Variants in GRIN2B observed in about 807,000 individuals in gnomAD.
GRIN2B encodes the protein glutamate receptor ionotropic, NMDA 2B.
In GRIN2B, 5 loss-of-function variants were observed where a neutral mutation model predicts 114.5. The ratio of observed to expected loss-of-function variants is 0.04; its 90% CI spans 0.02 to 0.09. The LOEUF (loss-of-function observed/expected upper bound fraction) is 0.09. Among genes scored for constraint, GRIN2B ranks in the 10% least tolerant of loss-of-function variants. The pLI is 1.00. For missense variants in GRIN2B, 1,108 were observed against 1,943.5 expected (o/e 0.57, Z 8.08); for synonymous variants, 787 against 745.1 (o/e 1.06, Z -0.92).
intron 10 of GRIN2B, among the ~76,000 whole-genome samples, chr12:13,583,641 T>C (rs899204480): frequency 2.0e-5 from 3 of 151,786 alleles, no homozygotes; most frequent in African/African-American, 4.8e-5. Context: ...AAGGATATGG[T>C]TGGGGAGGCT....
At chr12:13,888,755 A>G (rs1474390336) in intron 2 of GRIN2B, among the ~76,000 whole-genome samples, 1 of 149,798 alleles carries the variant, frequency 6.7e-6, no homozygotes, top group Non-Finnish European at 1.5e-5. Flanking sequence ...GAAATATCAT[A>G]TACAGTATAA....
At chr12:13,703,254 C>T (rs1018356061) in intron 4 of GRIN2B, among the ~76,000 whole-genome samples, 1 of 152,160 alleles carries the variant, frequency 6.6e-6, no homozygotes, top group Non-Finnish European at 1.5e-5. Flanking sequence ...AGATAACAGG[C>T]CTTTAAACCC....
intron 3 of GRIN2B, among the ~76,000 whole-genome samples, chr12:13,851,766 G>C (rs577235232): frequency 6.6e-6 from 1 of 152,206 alleles, no homozygotes; most frequent in African/African-American, 2.4e-5. Context: ...TTATTTTTGA[G>C]AATTTACAAT....
intron 3 of GRIN2B, among the ~76,000 whole-genome samples, chr12:13,832,729 A>C (rs545168230): frequency 6.6e-6 from 1 of 152,216 alleles, no homozygotes; most frequent in African/African-American, 2.4e-5. Context: ...AAATGTTTCA[A>C]ATTACTCACC....
intron 10 of GRIN2B, among the ~76,000 whole-genome samples, chr12:13,605,838 G>A (rs1352043120): frequency 7.2e-5 from 11 of 152,110 alleles, no homozygotes; most frequent in Admixed American, 7.2e-4. Context: ...AGTAATTTTT[G>A]AGACATTTGA....
chr12:13,766,132 T>C (rs563611119), intron 3 of GRIN2B, among the ~76,000 whole-genome samples: 2 of 152,236 alleles, frequency 1.3e-5, no homozygotes, highest in African/African-American at 4.8e-5. Flanking sequence ...CTTTGTAACA[T>C]TATTGTTTGC....
chr12:13,809,335 A>C (rs954170046), intron 3 of GRIN2B, among the ~76,000 whole-genome samples: 4 of 152,150 alleles, frequency 2.6e-5, no homozygotes, highest in Non-Finnish European at 5.9e-5. Flanking sequence ...GCTATGATCA[A>C]GTCCCAGCCA....
At chr12:13,616,298 A>G (rs182635360) in intron 6 of GRIN2B, among the ~76,000 whole-genome samples, 157 bp downstream of exon 6, 37 of 152,148 alleles carry the variant, frequency 2.4e-4, no homozygotes, top group Admixed American at 2.0e-3. Flanking sequence ...GAGACATCAG[A>G]CCAGAGGGCT....
chr12:13,796,150 A>G (rs1211520879), intron 3 of GRIN2B, among the ~76,000 whole-genome samples: 1 of 152,010 alleles, frequency 6.6e-6, no homozygotes, highest in Non-Finnish European at 1.5e-5. Flanking sequence ...CACATTGGCT[A>G]TGAATGGAAC....
chr12:13,581,909 CAA>C (rs71067711), intron 10 of GRIN2B, among the ~76,000 whole-genome samples: 15 of 120,256 alleles, frequency 1.2e-4, no homozygotes, highest in Admixed American at 1.8e-4. Flanking sequence ...GACTTTGTCT[CAA>C]AAAAAAAAAA....
intron 3 of GRIN2B, among the ~76,000 whole-genome samples, chr12:13,796,681 C>T (rs1189666158): frequency 1.3e-5 from 2 of 152,224 alleles, no homozygotes; most frequent in East Asian, 1.9e-4. Context: ...ATCTGGCCAG[C>T]GAAACCTCTC....
At chr12:13,652,215 A>T (rs1189267061) in intron 5 of GRIN2B, among the ~76,000 whole-genome samples, 1 of 151,818 alleles carries the variant, frequency 6.6e-6, no homozygotes, top group Non-Finnish European at 1.5e-5. Flanking sequence ...GTTCACTTCA[A>T]ATGTTTCCTT....
chr12:13,970,727 CCAGT>C (rs1862897958), intron 2 of GRIN2B, among the ~76,000 whole-genome samples: 3 of 98,814 alleles, frequency 3.0e-5, no homozygotes, highest in African/African-American at 1.2e-4. Flanking sequence ...ACACACACAT[CCAGT>C]ATTTCTTTCT....
At chr12:13,876,075 G>GAT (rs1865986999) in intron 2 of GRIN2B, among the ~76,000 whole-genome samples, 1 of 152,226 alleles carries the variant, frequency 6.6e-6, no homozygotes, top group Non-Finnish European at 1.5e-5. Context: ...GGAAATAGTA[G>GAT]TGAAAACGGC....
chr12:13,816,025 C>G (rs952495896), intron 3 of GRIN2B, among the ~76,000 whole-genome samples: 1 of 152,126 alleles, frequency 6.6e-6, no homozygotes, highest in Non-Finnish European at 1.5e-5. Flanking sequence ...CCACTGCTAG[C>G]AAGAGATATA....
intron 4 of GRIN2B, among the ~76,000 whole-genome samples, chr12:13,676,918 G>A (rs181611897): frequency 6.6e-6 from 1 of 152,254 alleles, no homozygotes; most frequent in East Asian, 1.9e-4. Context: ...CTTGTGCATA[G>A]ATTAGCAGAA....
chr12:13,678,597 C>G lies in GRIN2B; in HGVS notation c.1011-2738G>C, dbSNP rs536489211. ...TGGCTGCTCTCTCCAGACACCTCCA[C>G]TCAGTGACATGTAGCATCCCCAACA... On this transcript the variant is annotated intron_variant, in intron 4 of 13. Coordinates refer to ENST00000609686, the MANE Select transcript of GRIN2B (RefSeq NM_000834.5). Among the ~76,000 whole-genome samples the G allele has an allele frequency of 9.9e-5, 15 of 152,228 alleles. No individual in the cohort carries two copies. In the South Asian group the frequency reaches 2.9e-3, roughly 29 times the overall value.
intron 3 of GRIN2B, among the ~76,000 whole-genome samples, chr12:13,794,038 CAA>C (rs59335663): frequency 0.41 from 32,696 of 79,654 alleles, 3,427 homozygotes; most frequent in Admixed American, 0.45. Context: ...CCCATCTCTA[CAA>C]AAAAAAAAAA....
At chr12:13,692,048 G>A (rs1398953973) in intron 4 of GRIN2B, among the ~76,000 whole-genome samples, 4 of 152,186 alleles carry the variant, frequency 2.6e-5, no homozygotes, top group Non-Finnish European at 5.9e-5. Flanking sequence ...TGACATGAAT[G>A]AGGCTTAAAA....
Sources: allele counts gnomAD v4.1 joint callset (sites outside exome capture counted in the v4.1 genomes callset), GRCh38; gene constraint gnomAD v4.1.1; transcripts MANE v1.5; gene names NCBI Gene and HGNC (gene_info 2026-07-23, HGNC 2026-07-21).